The following TNPO3 variants were observed in gnomAD, a reference collection of about 807,000 sequenced individuals.
TNPO3 encodes transportin-3.
In TNPO3, 65 loss-of-function variants were observed where a neutral mutation model predicts 122.8. The observed-to-expected ratio is 0.53, with a 90% CI of 0.43 to 0.65. The LOEUF is 0.65. Among genes scored for constraint, TNPO3 ranks in the 30% least tolerant of loss-of-function variants. TNPO3 has a pLI of 0.00. For synonymous variants in TNPO3, 372 were observed against 411.2 expected (o/e 0.90, Z 1.15); for missense variants, 850 against 1,136.7 (o/e 0.75, Z 3.63).
intron 14 of TNPO3, among the ~76,000 whole-genome samples, chr7:128,980,804 C>G (rs980104918): frequency 3.3e-5 from 5 of 152,244 alleles, no homozygotes; most frequent in Non-Finnish European, 5.9e-5. Context: ...TCTAAATCCA[C>G]TACTAGAAAC....
At position 128,986,906 on chromosome 7, in the gene TNPO3, A is replaced by G; in HGVS notation, c.1513T>C (p.Tyr505His). 1 of 1,612,050 alleles carries G rather than the reference A, an allele frequency of 6.2e-7. No individual in the cohort carries two copies. Residue 505 changes from tyrosine (Y) to histidine (H), a missense_variant, in exon 12 of 23, where the codon TAT becomes CAT. By Grantham distance (83) the Tyr-to-His change is moderately conservative (BLOSUM62 2). Coordinates refer to ENST00000265388, the MANE Select transcript of TNPO3 (RefSeq NM_012470.4). ...NPQFLDPVLG[Y>H]LMKGLCEKPL... ...TTTTCACACAGGCCTTTCATCAAATAGCCCAACACAGGGTCTAAGAAGAAA... is the reference window on the plus strand; with the variant it reads ...TTTTCACACAGGCCTTTCATCAAATGGCCCAACACAGGGTCTAAGAAGAAA...
At chr7:128,978,321 C>A (rs940871501) in intron 16 of TNPO3, among the ~76,000 whole-genome samples, 12 of 152,168 alleles carry the variant, frequency 7.9e-5, no homozygotes, top group African/African-American at 2.7e-4. Flanking sequence ...CTTCTGTGGA[C>A]AACTAACTGT....
intron 1 of TNPO3, among the ~76,000 whole-genome samples, chr7:129,026,491 G>A (rs941911297): frequency 2.1e-5 from 3 of 141,040 alleles, no homozygotes; most frequent in Non-Finnish European, 3.0e-5. Context: ...CAACCTCCAC[G>A]TCCCAGGTTC....
intron 18 of TNPO3, among the ~76,000 whole-genome samples, chr7:128,974,073 C>T (rs13438067): frequency 1.3e-5 from 2 of 151,456 alleles, no homozygotes; most frequent in African/African-American, 4.9e-5. Context: ...ACTCGGGAGG[C>T]TGAGGTAGGA....
At chr7:128,975,239 T>C (rs1798934218) in intron 17 of TNPO3, among the ~76,000 whole-genome samples, 1 of 152,244 alleles carries the variant, frequency 6.6e-6, no homozygotes, top group African/African-American at 2.4e-5. Flanking sequence ...TCTCAAAGTT[T>C]TAGAAATTTC....
chr7:128,978,925 C>A (rs1329254335), intron 16 of TNPO3, 58 bp downstream of exon 16: 2 of 1,598,200 alleles, frequency 1.3e-6, no homozygotes, highest in Non-Finnish European at 1.7e-6. Context: ...AGCCACCGCA[C>A]CCTGCCTATT....
chr7:129,012,534 G>C (rs1803337040), intron 4 of TNPO3, among the ~76,000 whole-genome samples: 1 of 152,090 alleles, frequency 6.6e-6, no homozygotes, highest in Admixed American at 6.6e-5. Context: ...TTCAGATTAG[G>C]AATGCTGAAC....
chr7:129,043,550 T>C (rs1317434187), intron 1 of TNPO3, among the ~76,000 whole-genome samples: 1 of 152,220 alleles, frequency 6.6e-6, no homozygotes, highest in African/African-American at 2.4e-5. Flanking sequence ...CATAATGACC[T>C]CTGACAAATG....
intron 21 of TNPO3, among the ~76,000 whole-genome samples, chr7:128,959,693 G>A (rs1797247219): frequency 6.6e-6 from 1 of 152,184 alleles, no homozygotes; most frequent in Admixed American, 6.5e-5. Flanking sequence ...TTTAACTGAA[G>A]TGTCCTTGGT....
chr7:129,016,988 C>T lies in TNPO3; in HGVS notation c.390G>A (p.Val130=), dbSNP rs1263633916. 3 of 1,612,978 alleles carry T rather than the reference C, an allele frequency of 1.9e-6. No homozygotes were observed. Among genetic ancestry groups the T allele is most frequent in the Non-Finnish European group, 2.5e-6 (3 of 1,179,920 alleles). The part of the protein sequence containing the change: ...PSWKGCVQTL[V]EKYSNDVTSL... ...AGTCAATACAAATTACTTACTTTTC[C>T]ACCAGTGTTTGCACACATCCCTTCC... The change falls in exon 3 of 23, where the codon GTG becomes GTA. Residue 130 remains valine (V), a synonymous_variant. Transcript: ENST00000265388.
At chr7:128,961,654 T>C (rs1797470233) in intron 21 of TNPO3, among the ~76,000 whole-genome samples, 1 of 152,250 alleles carries the variant, frequency 6.6e-6, no homozygotes, top group Non-Finnish European at 1.5e-5. Context: ...TTCTGGCTTC[T>C]AGTCCCCAAA....
At chr7:129,036,790 AT>A (rs1806737553) in intron 1 of TNPO3, among the ~76,000 whole-genome samples, 2 of 152,296 alleles carry the variant, frequency 1.3e-5, no homozygotes, top group Non-Finnish European at 2.9e-5. Context: ...AATGGAATAT[AT>A]AAAAAAGAAT....
intron 8 of TNPO3, among the ~76,000 whole-genome samples, chr7:128,995,684 A>C (rs2150363042): frequency 7.5e-6 from 1 of 133,864 alleles, no homozygotes; most frequent in South Asian, 2.4e-4. Flanking sequence ...AATGTGGTTG[A>C]AGACAGGAGT....
intron 11 of TNPO3, among the ~76,000 whole-genome samples, chr7:128,989,377 G>A (rs945947331): frequency 6.6e-6 from 1 of 152,124 alleles, no homozygotes; most frequent in Non-Finnish European, 1.5e-5. Context: ...AAGTCATTTC[G>A]TCTCTTTGGG....
intron 8 of TNPO3, 151 bp from the exon 9 acceptor site, chr7:128,994,065 A>C (rs1436503374): frequency 1.5e-6 from 1 of 647,894 alleles, no homozygotes; most frequent in African/African-American, 1.8e-5. Context: ...TTTTAGACAG[A>C]GGGTTTCCTA....
intron 1 of TNPO3, among the ~76,000 whole-genome samples, chr7:129,028,633 G>C (rs1184630315): frequency 6.6e-6 from 1 of 152,162 alleles, no homozygotes; most frequent in Non-Finnish European, 1.5e-5. Context: ...CACTACCTTG[G>C]GCCAGCATCT....
rs745576236 is a variant in TNPO3 at position 129,001,075 on chromosome 7, G to A, written c.856C>T (p.Arg286Cys). The A allele has an allele frequency of 8.7e-6, 14 of 1,613,906 alleles. No homozygotes were observed. The highest frequency in any genetic ancestry group is 1.7e-5 in the Admixed American group (1 of 59,994). Residue 286 changes from arginine (R) to cysteine (C), a missense_variant, in exon 6 of 23, where the codon CGT becomes TGT. Physicochemically the swap from Arg to Cys is radical, Grantham distance 180. Transcript: ENST00000265388. ...ATTACTCACTTGTCTAAATCTTCAC[G>A]TGCCACGGCCATATGATAGGCAGTC... is the stretch of plus-strand genomic sequence containing the variant. ...LETAYHMAVA[R>C]EDLDKVLNYC...
At chr7:129,041,052 T>C (rs79772075) in intron 1 of TNPO3, among the ~76,000 whole-genome samples, 6,844 of 152,258 alleles carry the variant, frequency 0.045, 214 homozygotes, top group Middle Eastern at 0.11. Context: ...TTATTTTGAA[T>C]TCCAGGAGAG....
At chr7:128,988,970 G>C (rs1442608735) in intron 11 of TNPO3, among the ~76,000 whole-genome samples, 1 of 152,104 alleles carries the variant, frequency 6.6e-6, no homozygotes, top group Admixed American at 6.5e-5. Context: ...CCAGCTACTT[G>C]GGAGGCTGAG....
Sources: gnomAD v4.1 joint callset for allele counts (sites outside exome capture counted in the v4.1 genomes callset) on GRCh38, gnomAD v4.1.1 for gene constraint, MANE v1.5 for transcripts, NCBI Gene and HGNC (gene_info 2026-07-23, HGNC 2026-07-21) for gene names.